THSD7B: variants seen among roughly 807,000 people sequenced by gnomAD.
THSD7B encodes the protein thrombospondin type 1 domain containing 7B.
In THSD7B, 138 loss-of-function variants were observed where a neutral mutation model predicts 213.6. That is an observed-to-expected ratio of 0.65 (90% CI 0.56 to 0.74). THSD7B has a LOEUF of 0.74. THSD7B is among the 30% of genes least tolerant of loss of function. The probability of loss-of-function intolerance (pLI) is 0.00; values close to 1 mark genes in which losing one functional copy is unlikely to be tolerated. For missense variants in THSD7B, 1,931 were observed against 1,991.5 expected (o/e 0.97, Z 0.58); for synonymous variants, 742 against 687.0 (o/e 1.08, Z -1.25).
chr2:137,242,603 T>C (rs1558970854), intron 10 of THSD7B, 31 bp downstream of exon 10: 9 of 1,515,852 alleles, frequency 5.9e-6, no homozygotes, highest in Non-Finnish European at 8.2e-6. Flanking sequence ...TAGTTCTTTC[T>C]TCCCTAACCT....
chr2:136,887,573 C>T (rs1683740863), intron 2 of THSD7B, among the ~76,000 whole-genome samples: 1 of 151,988 alleles, frequency 6.6e-6, no homozygotes, highest in African/African-American at 2.4e-5. Context: ...GAGAATGGCA[C>T]CTACCCCCCA....
intron 2 of THSD7B, among the ~76,000 whole-genome samples, chr2:136,985,051 A>G (rs1178615588): frequency 6.6e-6 from 1 of 152,186 alleles, no homozygotes; most frequent in African/African-American, 2.4e-5. Context: ...GCCCGCATCT[A>G]ACAACCTACC....
chr2:136,896,948 A>C (rs1427269780), intron 2 of THSD7B, among the ~76,000 whole-genome samples: 1 of 120,708 alleles, frequency 8.3e-6, no homozygotes, highest in South Asian at 2.4e-4. Context: ...ATATACATAT[A>C]TATATATATT....
Position 137,488,912 on chromosome 2 carries a change from T to C in THSD7B, c.3138+37889T>C, listed in dbSNP as rs1208380470. On this transcript the variant is annotated intron_variant, in intron 15 of 27. Transcript: ENST00000409968. ...ACAAATCTATAAGTAGCATGAAGTC[T>C]CCAGGATCCCCACTGCTGTGTACAT... 3.9e-5 allele frequency among the ~76,000 whole-genome samples: 6 copies of C among 152,182 alleles called. No homozygotes were observed. In the East Asian group the frequency reaches 1.2e-3, roughly 29 times the overall value.
intron 5 of THSD7B, among the ~76,000 whole-genome samples, chr2:137,131,545 T>A (rs1260262201): frequency 1.3e-5 from 2 of 152,238 alleles, no homozygotes; most frequent in Non-Finnish European, 2.9e-5. Context: ...CCATCTTGAA[T>A]TAATTTTTGT....
rs896331751 is a variant in THSD7B at position 137,275,734 on chromosome 2, A to G, written c.2397-189A>G. Among the ~76,000 whole-genome samples, 3 of 152,110 alleles carry G rather than the reference A, an allele frequency of 2.0e-5. No homozygotes were observed. In the East Asian group the frequency reaches 5.8e-4, roughly 29 times the overall value. On this transcript the variant is annotated intron_variant, in intron 11 of 27. Transcript: ENST00000409968. Reference sequence around the variant, plus strand: ...AAAACACTGAATTACTGCCTAAATCATGAATCTGGGGTAGAGTGGACTATT... The same window carrying G: ...AAAACACTGAATTACTGCCTAAATCGTGAATCTGGGGTAGAGTGGACTATT...
Position 137,242,539 on chromosome 2 carries a change from G to A in THSD7B, c.2233G>A (p.Glu745Lys), listed in dbSNP as rs768145397. Residue 745 changes from glutamate (E) to lysine (K), a missense_variant, in exon 10 of 28, where the codon GAG (glutamate) becomes AAG (lysine). Glu to Lys is a moderately conservative substitution (Grantham distance 56, BLOSUM62 1). Transcript: ENST00000409968. ...AGACTGTATTGTGACTGCTTTCAGT[G>A]AGTGGACACCCTGCCCAAGGATGTG... ...KKDCIVTAFS[E>K]WTPCPRMCQA... 5.0e-6 allele frequency: 8 copies of A among 1,613,728 alleles called. No homozygotes were observed. In the Admixed American group the frequency reaches 1.2e-4, roughly 24 times the overall value.
At chr2:137,471,222 G>A (rs1009933113) in intron 15 of THSD7B, among the ~76,000 whole-genome samples, 1 of 152,058 alleles carries the variant, frequency 6.6e-6, no homozygotes, top group African/African-American at 2.4e-5. Flanking sequence ...CACCTGGCCA[G>A]CTCTTCCCAT....
chr2:137,366,345 C>A (rs1466327171), intron 12 of THSD7B, among the ~76,000 whole-genome samples: 1 of 151,530 alleles, frequency 6.6e-6, no homozygotes, highest in Non-Finnish European at 1.5e-5. Context: ...ACATATGTAA[C>A]AAACCTGCAA....
chr2:137,577,676 C>T (rs1022016011), intron 17 of THSD7B, among the ~76,000 whole-genome samples: 8 of 152,082 alleles, frequency 5.3e-5, no homozygotes, highest in Non-Finnish European at 1.0e-4. Context: ...TTCTTACTAG[C>T]AGACTAAGGC....
At chr2:137,555,827 C>T (rs1297322047) in intron 15 of THSD7B, among the ~76,000 whole-genome samples, 1 of 152,098 alleles carries the variant, frequency 6.6e-6, no homozygotes, top group Admixed American at 6.6e-5. Flanking sequence ...GCTAGAATAA[C>T]CAATGCAGAG....
At chr2:137,386,865 C>T (rs1412449710) in intron 12 of THSD7B, among the ~76,000 whole-genome samples, 2 of 152,174 alleles carry the variant, frequency 1.3e-5, no homozygotes, top group Admixed American at 1.3e-4. Context: ...CCTGACTATC[C>T]TACCGTTAAC....
intron 12 of THSD7B, among the ~76,000 whole-genome samples, chr2:137,286,426 C>T (rs1159800748): frequency 6.6e-6 from 1 of 152,102 alleles, no homozygotes; most frequent in African/African-American, 2.4e-5. Context: ...CCAATCAGCA[C>T]GTTGTGTTCT....
chr2:137,244,329 A>G (rs1681977510), intron 10 of THSD7B, among the ~76,000 whole-genome samples: 1 of 152,176 alleles, frequency 6.6e-6, no homozygotes, highest in African/African-American at 2.4e-5. Flanking sequence ...ATAAGAAGAG[A>G]CTGGATTTAA....
intron 16 of THSD7B, among the ~76,000 whole-genome samples, chr2:137,567,547 T>G (rs574801930): frequency 8.5e-5 from 13 of 152,110 alleles, no homozygotes; most frequent in Non-Finnish European, 1.8e-4. Flanking sequence ...GTGAAAGAAG[T>G]TAATGGTTGG....
intron 7 of THSD7B, among the ~76,000 whole-genome samples, chr2:137,190,052 A>G (rs1680626773): frequency 6.6e-6 from 1 of 152,192 alleles, no homozygotes; most frequent in African/African-American, 2.4e-5. Context: ...AAGCCAGTCC[A>G]GGTTGCCAGG....
chr2:137,159,882 C>T (rs1472064572), intron 5 of THSD7B, among the ~76,000 whole-genome samples: 1 of 152,124 alleles, frequency 6.6e-6, no homozygotes, highest in Admixed American at 6.6e-5. Flanking sequence ...CTTGAAACTT[C>T]ACAAAGCCAT....
At chr2:137,286,232 A>G (rs962617976) in intron 12 of THSD7B, among the ~76,000 whole-genome samples, 4 of 152,034 alleles carry the variant, frequency 2.6e-5, no homozygotes, top group Admixed American at 2.0e-4. Flanking sequence ...TGTAGATCTG[A>G]GTAGTCTAAT....
In THSD7B at chr2:137,655,596, A is replaced by C. The variant is rs1488245969; in HGVS notation, c.4041A>C (p.Ala1347=). The C allele has an allele frequency of 1.9e-6, 3 of 1,612,978 alleles. No homozygotes were observed. The part of the protein sequence containing the change: ...ISHAAGRVED[A]LCGEMPFQDS... ...ATGCAGCTGGACGTGTCGAGGATGC[A>C]CTGTGTGGAGAAATGCCCTTTCAGG... Residue 1347 remains alanine (A), a synonymous_variant, in exon 22 of 28, where the codon GCA becomes GCC. Coordinates refer to ENST00000409968, the MANE Select transcript of THSD7B (RefSeq NM_001316349.2).
Sources: gnomAD v4.1 joint callset for allele counts (sites outside exome capture counted in the v4.1 genomes callset) on GRCh38, gnomAD v4.1.1 for gene constraint, MANE v1.5 for transcripts, NCBI Gene and HGNC (gene_info 2026-07-23, HGNC 2026-07-21) for gene names.